Variants in SEC23IP observed in about 807,000 individuals in gnomAD.
SEC23IP encodes the protein SEC23-interacting protein.
Under a neutral mutation model 113.4 loss-of-function variants are expected in SEC23IP, and 70 were observed. The ratio of observed to expected loss-of-function variants is 0.62; its 90% CI spans 0.51 to 0.75. The LOEUF (loss-of-function observed/expected upper bound fraction) is 0.75, where lower values mean the gene tolerates loss of function less well. SEC23IP is among the 30% of genes least tolerant of loss of function. The pLI is 0.00. For synonymous variants in SEC23IP, 398 were observed against 421.0 expected (o/e 0.95, Z 0.67); for missense variants, 1,160 against 1,204.9 (o/e 0.96, Z 0.55).
chr10:119,929,815 AT>A, intron 14 of SEC23IP, 53 bp downstream of exon 14: 1 of 1,382,132 alleles, frequency 7.2e-7, no homozygotes, highest in Non-Finnish European at 1.0e-6. Flanking sequence ...TTTTTTAAAC[AT>A]TTTTTACTTT....
chr10:119,929,790 T>A, intron 14 of SEC23IP, 28 bp downstream of exon 14: 1 of 1,501,544 alleles, frequency 6.7e-7, no homozygotes, highest in Non-Finnish European at 9.1e-7. Context: ...CTTTGTTTTT[T>A]AAAATCCTTT....
In SEC23IP at chr10:119,932,255, CAAG is replaced by C; in HGVS notation, c.2701_2703del (p.Glu901del). ...TGCTCATACGTCTTCAACCCAGTTG[CAAG>C]AAGAATTGGAGAAGGTGGCCAATCA... On this transcript the variant is annotated inframe_deletion, in exon 16 of 19. Coordinates refer to ENST00000369075, the MANE Select transcript of SEC23IP (RefSeq NM_007190.4). 1.2e-6 allele frequency: 2 copies of C among 1,613,794 alleles called. No homozygotes were observed. The highest frequency in any genetic ancestry group is 1.7e-6 in the Non-Finnish European group (2 of 1,179,866).
chr10:119,915,038 T>G (rs1261434803), intron 7 of SEC23IP, among the ~76,000 whole-genome samples: 1 of 152,192 alleles, frequency 6.6e-6, no homozygotes, highest in Non-Finnish European at 1.5e-5. Flanking sequence ...TTAGAAGGGA[T>G]CTTGGAAGTA....
chr10:119,892,736 G>C lies in SEC23IP; in HGVS notation c.-47G>C. ...GCGTGATCGGTTTCCGGTCAGTGGT[G>C]TGGTACCGGGTACCCGGAGACGTGT... On this transcript the variant is annotated 5_prime_UTR_variant, in exon 1 of 19. Transcript: ENST00000369075. 1 of 1,554,438 alleles carries C rather than the reference G, an allele frequency of 6.4e-7. No homozygotes were observed. Among genetic ancestry groups the C allele is most frequent in the Non-Finnish European group, 8.7e-7 (1 of 1,148,260 alleles).
chr10:119,909,034 A>G lies in SEC23IP; in HGVS notation c.1102-7A>G. The G allele has an allele frequency of 1.3e-6, 2 of 1,588,968 alleles. No homozygotes were observed. The highest frequency in any genetic ancestry group is 1.7e-6 in the Non-Finnish European group (2 of 1,163,642). Reference sequence around the variant, plus strand: ...TGTTGGAATATATGTTGTTTCCCCCATTATAGGCTGAATATAAAAAAGCTG... The same window carrying G: ...TGTTGGAATATATGTTGTTTCCCCCGTTATAGGCTGAATATAAAAAAGCTG... On this transcript the variant is annotated splice_polypyrimidine_tract_variant and splice_region_variant and intron_variant, in intron 4 of 18. Transcript: ENST00000369075.
At chr10:119,920,838 A>T in intron 11 of SEC23IP, 51 bp from the exon 12 acceptor site, 1 of 1,213,122 alleles carries the variant, frequency 8.2e-7, no homozygotes, top group Non-Finnish European at 1.2e-6. Flanking sequence ...TTCTCATTTC[A>T]GTTCTTCTAT....
intron 5 of SEC23IP, among the ~76,000 whole-genome samples, chr10:119,910,352 T>G (rs561346711): frequency 1.1e-3 from 166 of 152,326 alleles, no homozygotes; most frequent in African/African-American, 3.9e-3. Flanking sequence ...CCTTAATTTC[T>G]CAGAGCTCCA....
chr10:119,898,983 CTACT>C (rs1277276910), intron 2 of SEC23IP, 24 bp downstream of exon 2: 12 of 1,507,616 alleles, frequency 8.0e-6, no homozygotes, highest in Non-Finnish European at 9.8e-6. Flanking sequence ...ATTTTGTGTC[CTACT>C]TATTCACTCT....
rs568856562 is a variant in SEC23IP at position 119,917,775 on chromosome 10, A to G, written c.1545-61A>G. 17 of 1,340,312 alleles carry G rather than the reference A, an allele frequency of 1.3e-5. No homozygotes were observed. In the East Asian group the frequency reaches 4.0e-4, roughly 31 times the overall value. 83.0% of individuals were successfully genotyped at this position (1,340,312 alleles called of 1,614,324 possible). On this transcript the variant is annotated intron_variant, in intron 8 of 18. Coordinates refer to ENST00000369075, the MANE Select transcript of SEC23IP (RefSeq NM_007190.4). ...CAGGAGTCAAAAATCTAAACTTTAA[A>G]AAAATCTGTAAATTTAAGGTAGATG...
At position 119,907,748 on chromosome 10, in the gene SEC23IP, C is replaced by G. The variant is rs1304291560; in HGVS notation, c.1102-1293C>G. ...GACGGATCATCTGAGGTCAGGAGTT[C>G]GAGACCAGCGTGGCCAATATGGTGA... On this transcript the variant is annotated intron_variant, in intron 4 of 18. Coordinates refer to ENST00000369075, the MANE Select transcript of SEC23IP (RefSeq NM_007190.4). Among the ~76,000 whole-genome samples, 5 of 152,102 alleles carry G rather than the reference C, an allele frequency of 3.3e-5. No homozygotes were observed. The East Asian group carries it at 9.7e-4, about 29-fold the overall frequency.
chr10:119,920,794 C>G, intron 11 of SEC23IP, 95 bp from the exon 12 acceptor site: 1 of 812,398 alleles, frequency 1.2e-6, no homozygotes, highest in East Asian at 2.6e-5. Flanking sequence ...TCTTAGATTG[C>G]TTTAGATGAT....
chr10:119,933,998 G>C (rs1855693801), intron 18 of SEC23IP, among the ~76,000 whole-genome samples: 4 of 152,106 alleles, frequency 2.6e-5, no homozygotes, highest in African/African-American at 9.7e-5. Context: ...AATTTACATA[G>C]AATTTGAGTT....
chr10:119,931,033 T>C (rs1165485005), intron 15 of SEC23IP, among the ~76,000 whole-genome samples: 1 of 152,200 alleles, frequency 6.6e-6, no homozygotes, highest in Non-Finnish European at 1.5e-5. Context: ...TTTAAAAATA[T>C]TGAACTCTTT....
chr10:119,911,774 C>G (rs1854871929), intron 5 of SEC23IP, among the ~76,000 whole-genome samples: 3 of 152,230 alleles, frequency 2.0e-5, no homozygotes, highest in Admixed American at 6.5e-5. Context: ...CATACCTGGC[C>G]TATGTTATTA....
chr10:119,898,136 T>A (rs1854342407), intron 1 of SEC23IP: 1 of 264,058 alleles, frequency 3.8e-6, no homozygotes, highest in African/African-American at 2.2e-5. Flanking sequence ...TATGGAAGGG[T>A]ATGTAGCAAA....
At chr10:119,926,324 A>T in intron 13 of SEC23IP, 97 bp downstream of exon 13, 1 of 1,240,624 alleles carries the variant, frequency 8.1e-7, no homozygotes, top group Admixed American at 2.4e-5. Flanking sequence ...TTTATTTAAC[A>T]TTTATTTGTG....
chr10:119,898,516 C>G lies in SEC23IP; in HGVS notation c.253C>G (p.Gln85Glu). 1 of 1,614,108 alleles carries G rather than the reference C, an allele frequency of 6.2e-7. No individual in the cohort carries two copies. The highest frequency in any genetic ancestry group is 8.5e-7 in the Non-Finnish European group (1 of 1,180,012). The change falls in exon 2 of 19, where the codon CAG becomes GAG. Residue 85 changes from glutamine (Q) to glutamate (E), a missense_variant. Gln to Glu is a conservative substitution (Grantham distance 29). Coordinates refer to ENST00000369075, the MANE Select transcript of SEC23IP (RefSeq NM_007190.4). ...SAPQTFSYFS[Q>E]VSSSSDPFGN... is the part of the protein sequence containing the mutation. ...CCCACAGACATTTAGTTACTTCTCT[C>G]AGGTATCAAGCAGCAGTGATCCTTT...
intron 16 of SEC23IP, 21 bp downstream of exon 16, chr10:119,932,339 A>G: frequency 6.4e-7 from 1 of 1,562,526 alleles, no homozygotes; most frequent in Non-Finnish European, 8.8e-7. Flanking sequence ...CATTTGAGGC[A>G]TTTTCTAATA....
rs2134522241 is a variant in SEC23IP at position 119,929,624 on chromosome 10, C to G, written c.2331C>G (p.Asn777Lys). 1.2e-6 allele frequency: 2 copies of G among 1,610,356 alleles called. No homozygotes were observed. The highest frequency in any genetic ancestry group is 8.5e-7 in the Non-Finnish European group (1 of 1,176,794). The change falls in exon 14 of 19, where the codon AAC (asparagine) becomes AAG (lysine). Residue 777 changes from asparagine to lysine, a missense_variant. Transcript: ENST00000369075. ...VGAGQVSVAY[N>K]SLDFEPEIFF... ...CTTTCCAGGTTTCTGTTGCTTACAA[C>G]TCATTAGATTTTGAACCAGAGATAT... is the stretch of plus-strand genomic sequence containing the variant.
Sources: gnomAD v4.1 joint callset for allele counts (sites outside exome capture counted in the v4.1 genomes callset) on GRCh38, gnomAD v4.1.1 for gene constraint, MANE v1.5 for transcripts, NCBI Gene and HGNC (gene_info 2026-07-23, HGNC 2026-07-21) for gene names.